The following TTC28 variants were observed in gnomAD, a reference collection of about 807,000 sequenced individuals.
TTC28 encodes the protein tetratricopeptide repeat domain 28.
A neutral mutation model predicts 198.0 loss-of-function variants in TTC28; 61 were observed. The ratio of observed to expected loss-of-function variants is 0.31; its 90% CI spans 0.25 to 0.38. The LOEUF is 0.38. TTC28 is among the 10% of genes least tolerant of loss of function. The pLI is 1.00. For synonymous variants in TTC28, 1,171 were observed against 1,297.8 expected (o/e 0.90, Z 2.10); for missense variants, 2,678 against 3,164.0 (o/e 0.85, Z 3.69).
intron 6 of TTC28, among the ~76,000 whole-genome samples, chr22:28,149,252 G>A (rs181036780): frequency 6.0e-4 from 91 of 152,326 alleles, no homozygotes; most frequent in African/African-American, 2.1e-3. Context: ...GTGCACCATG[G>A]TGAAAACCAC....
At chr22:28,442,303 G>GC (rs2047635906) in intron 2 of TTC28, among the ~76,000 whole-genome samples, 1 of 152,210 alleles carries the variant, frequency 6.6e-6, no homozygotes, top group Non-Finnish European at 1.5e-5. Flanking sequence ...GGCCTCAGGA[G>GC]CCCCGCAGGC....
At chr22:28,481,445 G>A (rs1490560339) in intron 2 of TTC28, among the ~76,000 whole-genome samples, 1 of 152,082 alleles carries the variant, frequency 6.6e-6, no homozygotes, top group Non-Finnish European at 1.5e-5. Flanking sequence ...ATGACTCTGT[G>A]TTCTTTGTAG....
chr22:27,991,037 C>A (rs906074621), intron 19 of TTC28, among the ~76,000 whole-genome samples: 6 of 152,122 alleles, frequency 3.9e-5, no homozygotes, highest in African/African-American at 7.2e-5. Flanking sequence ...GGCTCAGGGG[C>A]AGCATCAGCC....
chr22:28,137,158 A>G (rs1024528150), intron 6 of TTC28, among the ~76,000 whole-genome samples: 3 of 152,114 alleles, frequency 2.0e-5, no homozygotes, highest in Admixed American at 6.5e-5. Flanking sequence ...TGGAGCCCCT[A>G]TGGAGAGACC....
intron 10 of TTC28, among the ~76,000 whole-genome samples, chr22:28,096,697 C>A (rs970494871): frequency 6.6e-5 from 10 of 152,230 alleles, no homozygotes; most frequent in African/African-American, 2.2e-4. Flanking sequence ...CTTAGCCCTG[C>A]TCCATCTCTG....
At chr22:28,558,972 T>C (rs1185787922) in intron 2 of TTC28, among the ~76,000 whole-genome samples, 1 of 151,782 alleles carries the variant, frequency 6.6e-6, no homozygotes, top group Non-Finnish European at 1.5e-5. Context: ...GAGGCGGGGA[T>C]TGCAGTGAGC....
At chr22:28,252,791 T>C (rs1930615860) in intron 5 of TTC28, among the ~76,000 whole-genome samples, 1 of 152,204 alleles carries the variant, frequency 6.6e-6, no homozygotes, top group African/African-American at 2.4e-5. Context: ...GTGAGAGTTA[T>C]TAATTACATG....
In TTC28 at chr22:28,390,702, C is replaced by G. The variant is rs923904798; in HGVS notation, c.382-84059G>C. 9.2e-5 allele frequency among the ~76,000 whole-genome samples: 14 copies of G among 152,164 alleles called. No homozygotes were observed. In the East Asian group the frequency reaches 1.7e-3, roughly 19 times the overall value. ...TTTGTTTTCCATTTGCTTGGTAGAT[C>G]TTCCTCCATCCTTTTATTTTGAGCC... is the stretch of plus-strand genomic sequence containing the variant. On this transcript the variant is annotated intron_variant, in intron 2 of 22. Transcript: ENST00000397906.
Position 28,237,308 on chromosome 22 carries a change from C to T in TTC28, c.933+58890G>A, listed in dbSNP as rs559001133. 6.6e-5 allele frequency among the ~76,000 whole-genome samples: 10 copies of T among 152,262 alleles called. No homozygotes were observed. The East Asian group carries it at 1.2e-3, about 18-fold the overall frequency. On this transcript the variant is annotated intron_variant, in intron 5 of 22. Transcript: ENST00000397906. ...ATGTTGTGATCTAACCCCTCTCCCA[C>T]GCATCCTAGAATAGTACTGGTTACA...
At chr22:28,042,278 C>A (rs886538905) in intron 12 of TTC28, among the ~76,000 whole-genome samples, 4 of 151,998 alleles carry the variant, frequency 2.6e-5, no homozygotes, top group Non-Finnish European at 5.9e-5. Flanking sequence ...GACACATGCA[C>A]ACGTATTTTT....
chr22:28,391,070 G>A (rs1240552410), intron 2 of TTC28, among the ~76,000 whole-genome samples: 5 of 152,032 alleles, frequency 3.3e-5, no homozygotes, highest in East Asian at 1.9e-4. Context: ...TTGCTTGTCT[G>A]TAAAGGATTT....
At chr22:27,990,855 GAA>G (rs1569070394) in intron 19 of TTC28, 43 bp from the exon 20 acceptor site, 3 of 1,536,378 alleles carry the variant, frequency 2.0e-6, no homozygotes, top group Non-Finnish European at 1.8e-6. Flanking sequence ...AAGAGAGAAA[GAA>G]GAGAGTTTAG....
At chr22:28,085,942 A>G (rs1235761005) in intron 12 of TTC28, among the ~76,000 whole-genome samples, 1 of 152,192 alleles carries the variant, frequency 6.6e-6, no homozygotes, top group Non-Finnish European at 1.5e-5. Flanking sequence ...TAAAGGGATC[A>G]ATTCAACAAG....
chr22:28,197,218 C>G lies in TTC28; in HGVS notation c.934-33619G>C, dbSNP rs191489097. ...TTCTCACTCATAGGTGGGAATTGAACAATGAGAACACATGGACACAGGAAG... is the reference window on the plus strand; with the variant it reads ...TTCTCACTCATAGGTGGGAATTGAAGAATGAGAACACATGGACACAGGAAG... On this transcript the variant is annotated intron_variant, in intron 5 of 22. Coordinates refer to ENST00000397906, the MANE Select transcript of TTC28 (RefSeq NM_001145418.2). 5.1e-3 allele frequency among the ~76,000 whole-genome samples: 700 copies of G among 138,014 alleles called. 1 individual carries two copies. The highest frequency in any genetic ancestry group is 0.018 in the African/African-American group (667 of 36,324). 90.5% of individuals were successfully genotyped at this position (138,014 alleles called of 152,430 possible).
intron 2 of TTC28, among the ~76,000 whole-genome samples, chr22:28,412,548 T>C (rs899456062): frequency 6.6e-6 from 1 of 152,204 alleles, no homozygotes; most frequent in African/African-American, 2.4e-5. Context: ...TGTATGATGA[T>C]CCCACTACAA....
At chr22:28,177,111 T>G (rs549570353) in intron 5 of TTC28, among the ~76,000 whole-genome samples, 12 of 152,100 alleles carry the variant, frequency 7.9e-5, no homozygotes, top group African/African-American at 2.7e-4. Context: ...GAGAAAACAT[T>G]TGCAAAACAC....
chr22:28,599,842 C>T (rs1288534422), intron 2 of TTC28, among the ~76,000 whole-genome samples: 1 of 152,228 alleles, frequency 6.6e-6, no homozygotes, highest in East Asian at 1.9e-4. Flanking sequence ...TAACAAACTC[C>T]GGTTGTTATT....
At chr22:28,556,787 A>C (rs753545805) in intron 2 of TTC28, among the ~76,000 whole-genome samples, 3 of 152,182 alleles carry the variant, frequency 2.0e-5, no homozygotes, top group Non-Finnish European at 4.4e-5. Flanking sequence ...GCCAGGGCAG[A>C]AGGATACACT....
chr22:28,228,648 C>T (rs1204953809), intron 5 of TTC28, among the ~76,000 whole-genome samples: 13 of 150,650 alleles, frequency 8.6e-5, no homozygotes, highest in African/African-American at 2.7e-4. Context: ...TGCAGTGAGC[C>T]GAGATTGCGC....
Sources: gnomAD v4.1 joint callset for allele counts (sites outside exome capture counted in the v4.1 genomes callset) on GRCh38, gnomAD v4.1.1 for gene constraint, MANE v1.5 for transcripts, NCBI Gene and HGNC (gene_info 2026-07-23, HGNC 2026-07-21) for gene names.